TRABD2B: variants seen among roughly 807,000 people sequenced by gnomAD.
TRABD2B encodes metalloprotease TIKI2.
A neutral mutation model predicts 40.1 loss-of-function variants in TRABD2B; 14 were observed. That is an observed-to-expected ratio of 0.35 (90% CI 0.23 to 0.55). The LOEUF is 0.55. TRABD2B is among the 20% of genes least tolerant of loss of function. TRABD2B has a pLI of 0.90. For synonymous variants in TRABD2B, 263 were observed against 277.0 expected, an observed-to-expected ratio of 0.95 and a Z score of 0.50; for missense variants, 541 against 648.6, an observed-to-expected ratio of 0.83 and a Z score of 1.80.
At chr1:47,971,393 C>G (rs570596428) in intron 2 of TRABD2B, among the ~76,000 whole-genome samples, 1 of 152,312 alleles carries the variant, frequency 6.6e-6, no homozygotes, top group African/African-American at 2.4e-5. Context: ...GGAAAGCCAG[C>G]CTTGGGTATA....
intron 2 of TRABD2B, among the ~76,000 whole-genome samples, chr1:47,976,572 G>A (rs1332075047): frequency 1.3e-5 from 2 of 152,166 alleles, no homozygotes; most frequent in Non-Finnish European, 2.9e-5. Flanking sequence ...AGAGCAATAC[G>A]TAAAATGTAT....
intron 2 of TRABD2B, among the ~76,000 whole-genome samples, chr1:47,977,329 C>A (rs1187845502): frequency 6.6e-6 from 1 of 152,158 alleles, no homozygotes; most frequent in Non-Finnish European, 1.5e-5. Context: ...ACTTTGGCTT[C>A]CCAAGGTTCT....
chr1:47,934,876 A>G (rs1425333908), intron 2 of TRABD2B, among the ~76,000 whole-genome samples: 3 of 152,210 alleles, frequency 2.0e-5, no homozygotes, highest in Non-Finnish European at 4.4e-5. Flanking sequence ...GGTACTCAAA[A>G]GAGCCTACTC....
At chr1:47,791,601 C>T (rs1363183001) in intron 4 of TRABD2B, among the ~76,000 whole-genome samples, 2 of 152,218 alleles carry the variant, frequency 1.3e-5, no homozygotes, top group African/African-American at 4.8e-5. Flanking sequence ...GGGGACAGAA[C>T]TGCAGGGGCC....
chr1:47,911,468 T>C (rs1644761882), intron 2 of TRABD2B, among the ~76,000 whole-genome samples: 1 of 152,216 alleles, frequency 6.6e-6, no homozygotes, highest in Admixed American at 6.5e-5. Flanking sequence ...GACTTTCTCC[T>C]TAGATAAAGA....
At chr1:47,917,332 C>G (rs896198302) in intron 2 of TRABD2B, among the ~76,000 whole-genome samples, 5 of 152,220 alleles carry the variant, frequency 3.3e-5, no homozygotes, top group African/African-American at 7.2e-5. Flanking sequence ...TCCATTCCCT[C>G]ATATCTGCGG....
At position 47,993,943 on chromosome 1, in the gene TRABD2B, T is replaced by TC. The variant is rs757997110; in HGVS notation, c.666+90dup. On this transcript the variant is annotated intron_variant, in intron 2 of 6. Transcript: ENST00000606738. ...GAAAAAGGACCTGACTCTGGCTGCC[T>TC]CCCCCTCCCCCTCGGAGAAGAAAGA... The TC allele has an allele frequency of 6.1e-6, 8 of 1,319,350 alleles. No individual in the cohort carries two copies. In the Admixed American group the frequency reaches 1.8e-4, roughly 30 times the overall value. The allele number at this position is 1,319,350 out of a possible 1,614,324, so 81.7% of individuals were successfully genotyped here.
At chr1:47,950,263 C>T (rs759534734) in intron 2 of TRABD2B, among the ~76,000 whole-genome samples, 4 of 150,856 alleles carry the variant, frequency 2.7e-5, no homozygotes, top group Non-Finnish European at 4.4e-5. Context: ...CCAGCTTGGG[C>T]GATAGAGCAA....
Position 47,839,156 on chromosome 1 carries a change from C to A in TRABD2B, c.667-37537G>T, listed in dbSNP as rs547763212. 1.1e-4 allele frequency among the ~76,000 whole-genome samples: 17 copies of A among 152,186 alleles called. No homozygotes were observed. The South Asian group carries it at 2.3e-3, about 20-fold the overall frequency. ...GGATGCCAGTGCTCTGGTGACAGGA[C>A]GTTATACAATGGAGTAAGCGTTACC... is the stretch of plus-strand genomic sequence containing the variant. On this transcript the variant is annotated intron_variant, in intron 2 of 6. Transcript: ENST00000606738.
Position 47,874,527 on chromosome 1 carries a change from C to T in TRABD2B, c.667-72908G>A, listed in dbSNP as rs578144008. ...GACCTCATGATCCACCCGCCTCGGCCTCCCAAAGTGCTGGGATTACAGGCG... is the reference window on the plus strand; with the variant it reads ...GACCTCATGATCCACCCGCCTCGGCTTCCCAAAGTGCTGGGATTACAGGCG... On this transcript the variant is annotated intron_variant, in intron 2 of 6. Coordinates refer to ENST00000606738, the MANE Select transcript of TRABD2B (RefSeq NM_001194986.2). Among the ~76,000 whole-genome samples, 30 of 150,322 alleles carry T rather than the reference C, an allele frequency of 2.0e-4. No homozygotes were observed. The East Asian group carries it at 5.9e-3, about 30-fold the overall frequency.
chr1:47,812,344 C>G (rs891836107), intron 2 of TRABD2B, among the ~76,000 whole-genome samples: 1 of 152,166 alleles, frequency 6.6e-6, no homozygotes, highest in African/African-American at 2.4e-5. Flanking sequence ...GGTTGGGGGC[C>G]TCAGAGGGGT....
chr1:47,872,424 G>C (rs1386844730), intron 2 of TRABD2B, among the ~76,000 whole-genome samples: 1 of 152,202 alleles, frequency 6.6e-6, no homozygotes, highest in Non-Finnish European at 1.5e-5. Flanking sequence ...AGGAATGGAT[G>C]GATGGATGAA....
intron 2 of TRABD2B, among the ~76,000 whole-genome samples, chr1:47,929,869 G>T (rs1371255591): frequency 1.3e-5 from 2 of 152,184 alleles, no homozygotes; most frequent in African/African-American, 4.8e-5. Context: ...AAATGGGCCT[G>T]TCAGAAACAT....
chr1:47,813,385 A>G lies in TRABD2B; in HGVS notation c.667-11766T>C, dbSNP rs918472735. ...TGGAAGGAGAGGAGTTGAGTCTGGG[A>G]GTGCTCAATACTGATGAGAGAAATT... On this transcript the variant is annotated intron_variant, in intron 2 of 6. Coordinates refer to ENST00000606738, the MANE Select transcript of TRABD2B (RefSeq NM_001194986.2). This position sits in a 1 kb window ranked among gnomAD's most constrained non-coding sequence, Gnocchi z 4.3. Among the ~76,000 whole-genome samples, 1 of 152,142 alleles carries G rather than the reference A, an allele frequency of 6.6e-6. No individual in the cohort carries two copies. The highest frequency in any genetic ancestry group is 2.4e-5 in the African/African-American group (1 of 41,444).
intron 2 of TRABD2B, among the ~76,000 whole-genome samples, chr1:47,869,104 A>G (rs760628449): frequency 6.6e-6 from 1 of 151,950 alleles, no homozygotes; most frequent in Non-Finnish European, 1.5e-5. Flanking sequence ...TGCTTCCCCC[A>G]TAAGAATTCC....
rs1643881291 is a variant in TRABD2B at position 47,855,469 on chromosome 1, A to C, written c.667-53850T>G. Among the ~76,000 whole-genome samples the C allele has an allele frequency of 2.6e-5, 4 of 152,394 alleles. No individual in the cohort carries two copies. The South Asian group carries it at 8.3e-4, about 32-fold the overall frequency. Reference sequence around the variant, plus strand: ...GATATCGTTCTGTTTTTAAATTTGCATAAGTAGAAGACTGCACATATTGTT... The same window carrying C: ...GATATCGTTCTGTTTTTAAATTTGCCTAAGTAGAAGACTGCACATATTGTT... On this transcript the variant is annotated intron_variant, in intron 2 of 6. Transcript: ENST00000606738.
At chr1:47,924,143 C>T (rs527849054) in intron 2 of TRABD2B, among the ~76,000 whole-genome samples, 38 of 152,280 alleles carry the variant, frequency 2.5e-4, no homozygotes, top group Non-Finnish European at 4.9e-4. Flanking sequence ...CCACGGAATA[C>T]GTGGGTGGCC....
At chr1:47,945,068 T>C (rs965827466) in intron 2 of TRABD2B, among the ~76,000 whole-genome samples, 25 of 152,110 alleles carry the variant, frequency 1.6e-4, no homozygotes, top group African/African-American at 5.3e-4. Flanking sequence ...GGAACAGATC[T>C]CCAAGGGCTG....
intron 2 of TRABD2B, among the ~76,000 whole-genome samples, chr1:47,964,325 G>C (rs1391262626): frequency 6.6e-6 from 1 of 152,122 alleles, no homozygotes; most frequent in Non-Finnish European, 1.5e-5. Flanking sequence ...CCAAAACCTT[G>C]TCCAACCCGC....
Sources: gnomAD v4.1 joint callset for allele counts (sites outside exome capture counted in the v4.1 genomes callset) on GRCh38, gnomAD v4.1.1 for gene constraint, Gnocchi (gnomAD v3.1) non-coding constraint, MANE v1.5 for transcripts, NCBI Gene and HGNC (gene_info 2026-07-23, HGNC 2026-07-21) for gene names.